The following GRM7 variants were observed in gnomAD, a reference collection of about 807,000 sequenced individuals.
GRM7 encodes glutamate metabotropic receptor 7, also known as metabotropic glutamate receptor 7.
Under a neutral mutation model 84.5 loss-of-function variants are expected in GRM7, and 35 were observed. The ratio of observed to expected loss-of-function variants is 0.41; its 90% CI spans 0.32 to 0.55. GRM7 has a LOEUF of 0.55. Ranked by LOEUF, GRM7 falls within the 20% of genes least tolerant of loss-of-function variation. GRM7 has a pLI of 0.19. For synonymous variants in GRM7, 487 were observed against 455.1 expected, an observed-to-expected ratio of 1.07 and a Z score of -0.89; for missense variants, 1,003 against 1,194.6, an observed-to-expected ratio of 0.84 and a Z score of 2.36.
intron 1 of GRM7, among the ~76,000 whole-genome samples, chr3:6,871,335 A>G (rs1385139860): frequency 6.6e-6 from 1 of 152,040 alleles, no homozygotes; most frequent in Non-Finnish European, 1.5e-5. Flanking sequence ...ATAATATACT[A>G]TTTATTATTA....
intron 9 of GRM7, among the ~76,000 whole-genome samples, chr3:7,724,066 G>A (rs1271575353): frequency 2.0e-5 from 3 of 152,082 alleles, no homozygotes; most frequent in African/African-American, 7.2e-5. Context: ...TAGTGAAGAT[G>A]GAAAATACGG....
At chr3:7,386,184 T>G (rs1466645164) in intron 4 of GRM7, among the ~76,000 whole-genome samples, 2 of 152,228 alleles carry the variant, frequency 1.3e-5, no homozygotes, top group African/African-American at 4.8e-5. Flanking sequence ...TTGATCTAGA[T>G]GTTTGTTACA....
chr3:7,400,044 T>G (rs113324185), intron 4 of GRM7, among the ~76,000 whole-genome samples: 67 of 152,316 alleles, frequency 4.4e-4, no homozygotes, highest in African/African-American at 1.5e-3. Flanking sequence ...TAGAAATCGT[T>G]AAGGCTCAAT....
At chr3:7,343,912 T>C (rs1162121993) in intron 4 of GRM7, among the ~76,000 whole-genome samples, 3 of 151,168 alleles carry the variant, frequency 2.0e-5, no homozygotes, top group Non-Finnish European at 4.4e-5. Context: ...TTGCAGCAAG[T>C]AGGGAATGAG....
At chr3:7,112,856 C>G (rs561030991) in intron 1 of GRM7, among the ~76,000 whole-genome samples, 5 of 152,228 alleles carry the variant, frequency 3.3e-5, no homozygotes, top group African/African-American at 1.2e-4. Flanking sequence ...GGTGTATTGG[C>G]CACACATCAA....
At chr3:7,643,018 C>T (rs985116316) in intron 8 of GRM7, among the ~76,000 whole-genome samples, 4 of 152,140 alleles carry the variant, frequency 2.6e-5, no homozygotes, top group African/African-American at 9.7e-5. Context: ...ATTCCCAAGT[C>T]TCCTGAGTCC....
rs1293594652 is a variant in GRM7, at chr3:6,863,359, G to A, written c.519+1452G>A. Reference sequence around the variant, plus strand: ...TCTAGAGAACCGGCCCCTCTCAAGTGCTTTCCCAAAAGGTGTTGGGCTTCA... The same window carrying A: ...TCTAGAGAACCGGCCCCTCTCAAGTACTTTCCCAAAAGGTGTTGGGCTTCA... On this transcript the variant is annotated intron_variant, in intron 1 of 9. Coordinates refer to ENST00000357716, the MANE Select transcript of GRM7 (RefSeq NM_000844.4). This position sits in a 1 kb window ranked among gnomAD's most constrained non-coding sequence, Gnocchi z 4.8. Among the ~76,000 whole-genome samples the A allele has an allele frequency of 3.3e-5, 5 of 152,110 alleles. No homozygotes were observed. The highest frequency in any genetic ancestry group is 7.2e-5 in the African/African-American group (3 of 41,424).
At chr3:7,225,645 T>G (rs1406014022) in intron 2 of GRM7, among the ~76,000 whole-genome samples, 29 of 151,090 alleles carry the variant, frequency 1.9e-4, no homozygotes, top group Admixed American at 1.8e-3. Flanking sequence ...AAATTAATTG[T>G]AAATGGGCAT....
chr3:7,088,108 A>G (rs573692377), intron 1 of GRM7, among the ~76,000 whole-genome samples: 8 of 152,142 alleles, frequency 5.3e-5, no homozygotes, highest in Non-Finnish European at 8.8e-5. Context: ...ACTGTGAAGT[A>G]TTTAGCAATG....
chr3:7,683,555 T>G (rs904268279), intron 9 of GRM7, among the ~76,000 whole-genome samples: 1 of 152,174 alleles, frequency 6.6e-6, no homozygotes, highest in African/African-American at 2.4e-5. Flanking sequence ...GGGTTTCTGA[T>G]GACCCAACTC....
chr3:7,134,323 T>G (rs1451062193), intron 1 of GRM7, among the ~76,000 whole-genome samples: 1 of 152,084 alleles, frequency 6.6e-6, no homozygotes, highest in Non-Finnish European at 1.5e-5. Context: ...ATGAGACAAG[T>G]TCTAAGTGAT....
At chr3:7,482,638 A>T (rs1468679271) in intron 7 of GRM7, among the ~76,000 whole-genome samples, 1 of 152,224 alleles carries the variant, frequency 6.6e-6, no homozygotes, top group Admixed American at 6.5e-5. Context: ...GTCAGCTCTG[A>T]GCCCTATTGT....
At chr3:7,338,115 T>TACACACACACAC (rs141499269) in intron 4 of GRM7, among the ~76,000 whole-genome samples, 12 of 146,868 alleles carry the variant, frequency 8.2e-5, no homozygotes, top group South Asian at 2.2e-4. Context: ...TATATTTATG[T>TACACACACACAC]ACACACACAC....
At chr3:7,018,863 G>A (rs1695669690) in intron 1 of GRM7, among the ~76,000 whole-genome samples, 1 of 152,182 alleles carries the variant, frequency 6.6e-6, no homozygotes, top group East Asian at 1.9e-4. Context: ...TTGGGAGGGC[G>A]AGGCAGGTGG....
intron 8 of GRM7, among the ~76,000 whole-genome samples, chr3:7,601,346 C>G (rs1030771330): frequency 3.3e-5 from 5 of 152,102 alleles, no homozygotes; most frequent in South Asian, 4.1e-4. Flanking sequence ...TTTGGCACCA[C>G]AAACCTTAAG....
At chr3:7,733,517 G>A (rs959203769) in intron 9 of GRM7, among the ~76,000 whole-genome samples, 1 of 152,142 alleles carries the variant, frequency 6.6e-6, no homozygotes, top group South Asian at 2.1e-4. Context: ...GTAAACACTT[G>A]TGGGGTGGGT....
chr3:6,862,010 G>T lies in GRM7; in HGVS notation c.519+103G>T, dbSNP rs1278892728. On this transcript the variant is annotated intron_variant, in intron 1 of 9. Transcript: ENST00000357716. The surrounding 1 kb of genome is among the most constrained non-coding windows in gnomAD (Gnocchi z 5.2). ...GGTGGTGCGGGTCAGGTCAGCCTTCGCTCATTTCCTCCCTGGAGATCCTGC... is the reference window on the plus strand; with the variant it reads ...GGTGGTGCGGGTCAGGTCAGCCTTCTCTCATTTCCTCCCTGGAGATCCTGC... 5 of 921,798 alleles carry T rather than the reference G, an allele frequency of 5.4e-6. No individual in the cohort carries two copies. The highest frequency in any genetic ancestry group is 8.1e-6 in the Non-Finnish European group (5 of 614,274). 57.1% of individuals were successfully genotyped at this position (921,798 alleles called of 1,614,324 possible). A position where few individuals can be genotyped will look rare whatever the true frequency, so the allele number is the denominator to read the frequency against.
chr3:6,987,331 G>A (rs535997616), intron 1 of GRM7, among the ~76,000 whole-genome samples: 1 of 151,388 alleles, frequency 6.6e-6, no homozygotes, highest in Admixed American at 6.6e-5. Context: ...ACATTCTTGT[G>A]ATAGGGAAAG....
chr3:7,364,628 T>G (rs1029582090), intron 4 of GRM7, among the ~76,000 whole-genome samples: 29 of 151,866 alleles, frequency 1.9e-4, no homozygotes, highest in African/African-American at 6.8e-4. Flanking sequence ...ACATTTTATT[T>G]CCTCTTTTAT....
Sources: allele counts gnomAD v4.1 joint callset (sites outside exome capture counted in the v4.1 genomes callset), GRCh38; gene constraint gnomAD v4.1.1; non-coding constraint Gnocchi (gnomAD v3.1); transcripts MANE v1.5; gene names NCBI Gene and HGNC (gene_info 2026-07-23, HGNC 2026-07-21).